The following AK9 variants were observed in gnomAD, a reference collection of about 807,000 sequenced individuals.
The protein encoded by AK9 is adenylate kinase domain containing 1.
In AK9, 191 loss-of-function variants were observed where a neutral mutation model predicts 239.6. The ratio of observed to expected loss-of-function variants is 0.80; its 90% CI spans 0.71 to 0.90. The LOEUF is 0.90. Ranked by LOEUF, AK9 falls within the 40% of genes least tolerant of loss-of-function variation. The probability of loss-of-function intolerance (pLI) is 0.00; values close to 1 mark genes in which losing one functional copy is unlikely to be tolerated. For synonymous variants in AK9, 689 were observed against 721.0 expected (o/e 0.96, Z 0.71); for missense variants, 1,995 against 2,214.7 (o/e 0.90, Z 1.99).
At chr6:109,656,687 G>A in intron 8 of AK9, 69 bp downstream of exon 8, 1 of 1,461,580 alleles carries the variant, frequency 6.8e-7, no homozygotes, top group Admixed American at 2.0e-5. Flanking sequence ...GAAGACATGT[G>A]AAAGCTACTT....
At chr6:109,599,545 C>T (rs1791603092) in intron 17 of AK9, among the ~76,000 whole-genome samples, 2 of 152,006 alleles carry the variant, frequency 1.3e-5, no homozygotes, top group Non-Finnish European at 2.9e-5. Flanking sequence ...TTAGGATTGA[C>T]TTGGCAATGC....
chr6:109,563,497 T>C (rs910512112), intron 24 of AK9, 100 bp downstream of exon 24: 4 of 1,462,108 alleles, frequency 2.7e-6, no homozygotes, highest in African/African-American at 1.4e-5. Flanking sequence ...CAAATGAGAA[T>C]GTCTGTTCAC....
chr6:109,546,493 T>C (rs1296298479), intron 25 of AK9, among the ~76,000 whole-genome samples: 1 of 152,242 alleles, frequency 6.6e-6, no homozygotes, highest in Non-Finnish European at 1.5e-5. Flanking sequence ...AGCCCACTAA[T>C]AATAAAAATT....
At chr6:109,532,325 G>T (rs910179708) in intron 28 of AK9, among the ~76,000 whole-genome samples, 1 of 152,110 alleles carries the variant, frequency 6.6e-6, no homozygotes, top group African/African-American at 2.4e-5. Flanking sequence ...TTCCCTTGAG[G>T]CCACGTGGAG....
intron 5 of AK9, among the ~76,000 whole-genome samples, chr6:109,668,220 T>C (rs1801535829): frequency 6.6e-6 from 1 of 152,272 alleles, no homozygotes; most frequent in African/African-American, 2.4e-5. Flanking sequence ...TGTCTGTTCA[T>C]ATCCTTTGCC....
chr6:109,528,159 T>C (rs911807294), intron 29 of AK9: 2 of 263,222 alleles, frequency 7.6e-6, no homozygotes, highest in Admixed American at 1.0e-4. Context: ...CTGGACTCCT[T>C]CACTGCTGAA....
chr6:109,582,131 A>G (rs1485412830), intron 19 of AK9, among the ~76,000 whole-genome samples: 1 of 152,248 alleles, frequency 6.6e-6, no homozygotes, highest in Non-Finnish European at 1.5e-5. Flanking sequence ...CAATGCAGAT[A>G]GTCACCCAAG....
intron 8 of AK9, among the ~76,000 whole-genome samples, chr6:109,653,569 A>G (rs1231361614): frequency 6.6e-6 from 1 of 152,044 alleles, no homozygotes; most frequent in Non-Finnish European, 1.5e-5. Context: ...TTTCCTTTCT[A>G]TGATTTATCT....
Position 109,573,512 on chromosome 6 carries a change from G to C in AK9, c.2274C>G (p.His758Gln). Reference protein sequence around the residue: ...LEVHEEPEASHDTRGSWLPEE... With the variant: ...LEVHEEPEASQDTRGSWLPEE... ...CAGGTAACCATGACCCTCGGGTATC[G>C]TGAGATGCCTCAGGCTCTTCGTGAA... The change falls in exon 21 of 41, where the codon CAC becomes CAG. Residue 758 changes from histidine (H) to glutamine (Q), a missense_variant. This residue lies in a region of AK9 where 1,290 missense variants were observed against 1,392.7 expected (regional missense o/e 0.93). Coordinates refer to ENST00000424296, the MANE Select transcript of AK9 (RefSeq NM_001145128.3). The C allele has an allele frequency of 6.4e-7, 1 of 1,551,298 alleles. No homozygotes were observed. The highest frequency in any genetic ancestry group is 1.2e-5 in the South Asian group (1 of 84,018).
intron 13 of AK9, among the ~76,000 whole-genome samples, chr6:109,616,446 T>C (rs943220027): frequency 6.6e-6 from 1 of 151,954 alleles, no homozygotes; most frequent in African/African-American, 2.4e-5. Flanking sequence ...GATGTGATCA[T>C]AGCTTACTGC....
intron 9 of AK9, among the ~76,000 whole-genome samples, chr6:109,643,718 C>A (rs1797718601): frequency 6.6e-6 from 1 of 152,130 alleles, no homozygotes; most frequent in Non-Finnish European, 1.5e-5. Flanking sequence ...TATTTCTAGT[C>A]TTGGCTCTAT....
chr6:109,680,883 CT>C (rs1318278081), intron 1 of AK9, among the ~76,000 whole-genome samples: 2 of 152,156 alleles, frequency 1.3e-5, no homozygotes, highest in African/African-American at 4.8e-5. Flanking sequence ...AAATAAAATC[CT>C]TTACAGACAA....
chr6:109,558,358 G>C (rs1003538828), intron 24 of AK9, among the ~76,000 whole-genome samples: 1 of 151,982 alleles, frequency 6.6e-6, no homozygotes, highest in African/African-American at 2.4e-5. Context: ...CAGAAGTTTT[G>C]TAATGTACAT....
intron 38 of AK9, 105 bp downstream of exon 38, chr6:109,497,360 A>ACTCTCTCTCT (rs1199537013): frequency 3.8e-5 from 21 of 557,756 alleles, no homozygotes; most frequent in Middle Eastern, 3.0e-4. Flanking sequence ...ACACACACAC[A>ACTCTCTCTCT]CACTCTCTCT....
intron 29 of AK9, among the ~76,000 whole-genome samples, chr6:109,526,289 A>G (rs1388396527): frequency 6.6e-6 from 1 of 152,174 alleles, no homozygotes. Flanking sequence ...CCTAAAATAC[A>G]AATTGAAAAA....
intron 32 of AK9, among the ~76,000 whole-genome samples, chr6:109,510,665 T>C (rs1778639053): frequency 1.3e-5 from 2 of 152,184 alleles, no homozygotes; most frequent in Non-Finnish European, 2.9e-5. Context: ...TCCTCTGAGC[T>C]GCTACAACAC....
At chr6:109,504,051 G>A (rs2128102901) in intron 35 of AK9, among the ~76,000 whole-genome samples, 1 of 152,298 alleles carries the variant, frequency 6.6e-6, no homozygotes, top group South Asian at 2.1e-4. Flanking sequence ...GATTAGAGTT[G>A]CTGGATAAAA....
At chr6:109,681,468 G>A (rs1219951708) in intron 1 of AK9, among the ~76,000 whole-genome samples, 1 of 152,116 alleles carries the variant, frequency 6.6e-6, no homozygotes, top group African/African-American at 2.4e-5. Flanking sequence ...GACCTACAGA[G>A]AGACTTAGAC....
At chr6:109,633,802 A>T (rs1021753860) in intron 10 of AK9, among the ~76,000 whole-genome samples, 1 of 152,170 alleles carries the variant, frequency 6.6e-6, no homozygotes, top group African/African-American at 2.4e-5. Flanking sequence ...GCAGTTCTTT[A>T]ATTCTTAAAA....
Sources: allele counts gnomAD v4.1 joint callset (sites outside exome capture counted in the v4.1 genomes callset), GRCh38; gene constraint gnomAD v4.1.1; regional missense constraint gnomAD v4.1.1; transcripts MANE v1.5; gene names NCBI Gene and HGNC (gene_info 2026-07-23, HGNC 2026-07-21).